TLCD4: variants seen among roughly 807,000 people sequenced by gnomAD.
TLCD4 encodes TLC domain containing 4, also known as TLC domain-containing protein 4.
Under a neutral mutation model 24.2 loss-of-function variants are expected in TLCD4, and 7 were observed. The ratio of observed to expected loss-of-function variants is 0.29; its 90% confidence interval spans 0.16 to 0.54. The LOEUF (loss-of-function observed/expected upper bound fraction) is 0.54, where lower values mean the gene tolerates loss of function less well. TLCD4 is among the 20% of genes least tolerant of loss of function. The pLI, the probability that TLCD4 is intolerant of heterozygous loss-of-function variation, is 0.95. For missense variants in TLCD4, 259 were observed against 313.9 expected, an observed-to-expected ratio of 0.82 and a Z score of 1.32; for synonymous variants, 103 against 106.4, an observed-to-expected ratio of 0.97 and a Z score of 0.20.
intron 6 of TLCD4, among the ~76,000 whole-genome samples, chr1:95,175,256 AC>A (rs761841183): frequency 4.6e-5 from 7 of 152,178 alleles, no homozygotes; most frequent in Non-Finnish European, 7.4e-5. Flanking sequence ...TATGATTTTG[AC>A]TAAATAATTC....
At chr1:95,138,428 C>T (rs547353939) in intron 1 of TLCD4, 1 of 152,250 alleles carries the variant, frequency 6.6e-6, no homozygotes, top group Non-Finnish European at 1.5e-5. Context: ...ATAGTTAAGA[C>T]ATGTACAGTC....
At chr1:95,170,915 A>G (rs1003048629) in intron 5 of TLCD4, among the ~76,000 whole-genome samples, 6 of 152,030 alleles carry the variant, frequency 3.9e-5, no homozygotes, top group Non-Finnish European at 7.4e-5. Flanking sequence ...ACAAGCCACC[A>G]AATTTTTTCA....
intron 6 of TLCD4, among the ~76,000 whole-genome samples, chr1:95,182,029 A>G (rs775263509): frequency 6.6e-6 from 1 of 152,194 alleles, no homozygotes; most frequent in Non-Finnish European, 1.5e-5. Flanking sequence ...CATTTATTAG[A>G]TGACATTTAA....
intron 1 of TLCD4, among the ~76,000 whole-genome samples, chr1:95,118,453 T>G (rs1356645197): frequency 6.6e-6 from 1 of 152,232 alleles, no homozygotes; most frequent in Non-Finnish European, 1.5e-5. Flanking sequence ...TGCACACTTT[T>G]ATATGAAATT....
At chr1:95,102,959 T>C in the TLCD4 span, among the ~76,000 whole-genome samples, 1 of 148,618 alleles carries the variant, frequency 6.7e-6, no homozygotes, top group Admixed American at 6.9e-5. Context: ...TGTATTTGTT[T>C]GGAAGAACTA....
intron 5 of TLCD4, among the ~76,000 whole-genome samples, chr1:95,173,206 T>C (rs1678288372): frequency 6.6e-6 from 1 of 152,204 alleles, no homozygotes; most frequent in African/African-American, 2.4e-5. Context: ...TTTTTTGAGA[T>C]TTTTAAGGTG....
At chr1:95,104,608 A>G in the TLCD4 span, among the ~76,000 whole-genome samples, 73,050 of 144,996 alleles carry the variant, frequency 0.5, 19,856 homozygotes, top group Non-Finnish European at 0.6. Flanking sequence ...GGAGCCTGCA[A>G]TGAGCTGAGA....
At chr1:95,105,196 G>A in the TLCD4 span, among the ~76,000 whole-genome samples, 1 of 152,178 alleles carries the variant, frequency 6.6e-6, no homozygotes, top group Non-Finnish European at 1.5e-5. Context: ...ACAATGCAAT[G>A]AAACGCATTC....
intron 5 of TLCD4, among the ~76,000 whole-genome samples, chr1:95,160,784 G>C (rs912069582): frequency 3.3e-5 from 5 of 152,178 alleles, no homozygotes; most frequent in Non-Finnish European, 1.5e-5. Context: ...CTTTGGTTCT[G>C]TTTATATGAT....
intron 6 of TLCD4, among the ~76,000 whole-genome samples, chr1:95,189,872 A>C (rs1213414121): frequency 6.6e-6 from 1 of 152,144 alleles, no homozygotes; most frequent in Non-Finnish European, 1.5e-5. Context: ...CAGTTGGAAA[A>C]ATACCTAGGA....
In TLCD4 at chr1:95,193,848, G is replaced by A; in HGVS notation, c.*1980G>A. 6.6e-6 allele frequency: 1 copy of A among 152,020 alleles called. No homozygotes were observed. The highest frequency in any genetic ancestry group is 1.5e-5 in the Non-Finnish European group (1 of 67,934). 9.4% of individuals were successfully genotyped at this position (152,020 alleles called of 1,614,324 possible). A position where few individuals can be genotyped will look rare whatever the true frequency, so the allele number is the denominator to read the frequency against. On this transcript the variant is annotated 3_prime_UTR_variant, in exon 7 of 7. Coordinates refer to ENST00000370203, the MANE Select transcript of TLCD4 (RefSeq NM_152487.3). The stretch of plus-strand genomic sequence containing the variant: ...TGTACTGGTTAACTAGAGGGGGGTA[G>A]GAAAGCAAGCGGTTTTATCTTGTTC...
At chr1:95,114,016 C>T (rs941098077), upstream of TLCD4, among the ~76,000 whole-genome samples, 3 of 151,998 alleles carry the variant, frequency 2.0e-5, no homozygotes, top group Non-Finnish European at 4.4e-5. Flanking sequence ...GAAATAGTTT[C>T]ATCTGAAAAC....
Position 95,143,957 on chromosome 1 carries a change from T to A in TLCD4, c.56T>A (p.Phe19Tyr). 1 of 1,572,838 alleles carries A rather than the reference T, an allele frequency of 6.4e-7. No homozygotes were observed. The highest frequency in any genetic ancestry group is 1.2e-5 in the South Asian group (1 of 83,868). ...GTTACCTGTATCAGCTTTTTCACCT[T>A]TCAGCTTCTTTTCTACTTTGTAAGT... is the stretch of plus-strand genomic sequence containing the variant. ...ISVTCISFFT[F>Y]QLLFYFVSYW... The change falls in exon 2 of 7, where the codon TTT becomes TAT. Residue 19 changes from phenylalanine to tyrosine, a missense_variant. Coordinates refer to ENST00000370203, the MANE Select transcript of TLCD4 (RefSeq NM_152487.3).
rs1213918238 is a variant in TLCD4 at position 95,191,770 on chromosome 1, A to G, written c.694A>G (p.Met232Val). Residue 232 changes from methionine to valine, a missense_variant, in exon 7 of 7, where the codon ATG becomes GTG. Met to Val is a conservative substitution (Grantham distance 21, BLOSUM62 1). Transcript: ENST00000370203. ...TGTTGTTTTGGATGTGATGAATGTC[A>G]TGTGGATGATCAAAATTTCAAAAGG... is the stretch of plus-strand genomic sequence containing the variant. ...SCVVLDVMNV[M>V]WMIKISKGCI... 6 of 1,614,174 alleles carry G rather than the reference A, an allele frequency of 3.7e-6. No individual in the cohort carries two copies. Among genetic ancestry groups the G allele is most frequent in the East Asian group, 4.5e-5 (2 of 44,868 alleles).
In TLCD4 at chr1:95,150,189, A is replaced by AACC. The variant is rs1677454971; in HGVS notation, c.246-18_246-16dup. On this transcript the variant is annotated intron_variant, in intron 3 of 6. Transcript: ENST00000370203. ...CTACAATCTATATACTTTAAAAAGG[A>AACC]ACCTTTTTTTTTTTTCAGGGGTGGT... is the stretch of plus-strand genomic sequence containing the variant. 1 of 1,596,924 alleles carries AACC rather than the reference A, an allele frequency of 6.3e-7. No individual in the cohort carries two copies. The highest frequency in any genetic ancestry group is 1.1e-5 in the South Asian group (1 of 88,662).
the TLCD4 span, among the ~76,000 whole-genome samples, chr1:95,107,356 A>G: frequency 6.6e-6 from 1 of 152,094 alleles, no homozygotes; most frequent in Non-Finnish European, 1.5e-5. Flanking sequence ...CCAGGAGGCG[A>G]AGCTTGCAGT....
At chr1:95,169,964 ATTTTGG>A (rs1486830501) in intron 5 of TLCD4, among the ~76,000 whole-genome samples, 1 of 152,218 alleles carries the variant, frequency 6.6e-6, no homozygotes, top group East Asian at 1.9e-4. Context: ...ATAAAAATAA[ATTTTGG>A]TATTTGATCT....
the TLCD4 span, among the ~76,000 whole-genome samples, chr1:95,111,511 A>G: frequency 5.3e-5 from 8 of 152,166 alleles, no homozygotes; most frequent in Admixed American, 6.5e-5. Context: ...ATAGTGTAGA[A>G]AGATGTTTAC....
At chr1:95,166,208 G>A (rs1678014217) in intron 5 of TLCD4, among the ~76,000 whole-genome samples, 1 of 152,100 alleles carries the variant, frequency 6.6e-6, no homozygotes, top group Non-Finnish European at 1.5e-5. Context: ...AACTGGAAGA[G>A]CTTTTGTGGG....
Sources: gnomAD v4.1 joint callset for allele counts (sites outside exome capture counted in the v4.1 genomes callset) on GRCh38, gnomAD v4.1.1 for gene constraint, MANE v1.5 for transcripts, NCBI Gene and HGNC (gene_info 2026-07-23, HGNC 2026-07-21) for gene names.